The following TNFRSF11A variants were observed in gnomAD, a reference collection of about 807,000 sequenced individuals.
TNFRSF11A encodes the protein tumor necrosis factor receptor superfamily member 11A.
A neutral mutation model predicts 55.7 loss-of-function variants in TNFRSF11A; 32 were observed. The observed-to-expected ratio is 0.57, with a 90% CI of 0.43 to 0.77. The LOEUF (loss-of-function observed/expected upper bound fraction) is 0.77. TNFRSF11A is among the 30% of genes least tolerant of loss of function. The pLI, the probability that TNFRSF11A is intolerant of heterozygous loss-of-function variation, is 0.00. For missense variants in TNFRSF11A, 753 were observed against 809.8 expected (o/e 0.93, Z 0.85); for synonymous variants, 311 against 331.0 (o/e 0.94, Z 0.65).
chr18:62,339,614 C>T (rs1259931055), intron 1 of TNFRSF11A, among the ~76,000 whole-genome samples: 2 of 152,198 alleles, frequency 1.3e-5, no homozygotes, highest in African/African-American at 4.8e-5. Context: ...TGCCTTCAGT[C>T]CTACAGCAAG....
At chr18:62,329,395 C>T (rs1369281771) in intron 1 of TNFRSF11A, among the ~76,000 whole-genome samples, 1 of 152,220 alleles carries the variant, frequency 6.6e-6, no homozygotes, top group African/African-American at 2.4e-5. Flanking sequence ...GACTCCAGCT[C>T]AGTGCACCCC....
At chr18:62,370,300 A>T (rs1307602089) in intron 9 of TNFRSF11A, among the ~76,000 whole-genome samples, 3 of 152,188 alleles carry the variant, frequency 2.0e-5, no homozygotes, top group African/African-American at 7.2e-5. Flanking sequence ...AGGGTCAGGG[A>T]TCTCTTTGAG....
chr18:62,345,951 C>T (rs1165294329), intron 1 of TNFRSF11A, among the ~76,000 whole-genome samples: 5 of 152,178 alleles, frequency 3.3e-5, no homozygotes, highest in Non-Finnish European at 5.9e-5. Context: ...CGCAGCCATA[C>T]TCCTAAACAT....
rs1910306851 is a variant in TNFRSF11A, at chr18:62,368,977, TCCCAGCCCA to T, written c.1062_1070del (p.Gln355_Thr357del). ...AGAAGATGAATACATGGACAGGCCCTCCCAGCCCACAGACCAGTTACTGTTCCTCACTGA... is the reference window on the plus strand; with the variant it reads ...AGAAGATGAATACATGGACAGGCCCTCAGACCAGTTACTGTTCCTCACTGA... On this transcript the variant is annotated inframe_deletion, in exon 9 of 10. Transcript: ENST00000586569. 4 of 1,614,196 alleles carry T rather than the reference TCCCAGCCCA, an allele frequency of 2.5e-6. No individual in the cohort carries two copies. The highest frequency in any genetic ancestry group is 1.7e-5 in the Admixed American group (1 of 60,024).
chr18:62,342,670 A>C (rs1407498803), intron 1 of TNFRSF11A, among the ~76,000 whole-genome samples: 1 of 152,318 alleles, frequency 6.6e-6, no homozygotes. Flanking sequence ...CAGCTAAGGA[A>C]GGGGCAGACC....
intron 9 of TNFRSF11A, 136 bp downstream of exon 9, chr18:62,369,620 A>G: frequency 1.8e-6 from 2 of 1,132,888 alleles, no homozygotes; most frequent in Non-Finnish European, 2.6e-6. Context: ...CTTAATAAGC[A>G]TTTTTACAGG....
chr18:62,348,375 T>C, intron 2 of TNFRSF11A, 126 bp downstream of exon 2: 1 of 795,338 alleles, frequency 1.3e-6, no homozygotes, highest in Non-Finnish European at 2.2e-6. Flanking sequence ...CAGGTGGTAA[T>C]GTCTGTCACT....
rs1288286922 is a variant in TNFRSF11A at position 62,387,648 on chromosome 18, G to A, written c.*2614G>A. 6.6e-6 allele frequency: 1 copy of A among 152,200 alleles called. No individual in the cohort carries two copies. The highest frequency in any genetic ancestry group is 1.9e-4 in the East Asian group (1 of 5,204). The allele number at this position is 152,200 out of a possible 1,614,324, so 9.4% of individuals were successfully genotyped here. A position where few individuals can be genotyped will look rare whatever the true frequency, so the allele number is the denominator to read the frequency against. On this transcript the variant is annotated 3_prime_UTR_variant, in exon 10 of 10. Transcript: ENST00000586569. ...TATTAAAATACAGCCTGGGTACCCA[G>A]TGAAAGAGCTGAAATGGAAATGGAG...
At chr18:62,355,937 A>C (rs1909219871) in intron 4 of TNFRSF11A, among the ~76,000 whole-genome samples, 1 of 152,238 alleles carries the variant, frequency 6.6e-6, no homozygotes, top group African/African-American at 2.4e-5. Flanking sequence ...TTCTTTCAGT[A>C]CCTTCTGATT....
intron 9 of TNFRSF11A, among the ~76,000 whole-genome samples, chr18:62,377,652 A>G (rs996994308): frequency 2.6e-5 from 4 of 152,122 alleles, no homozygotes; most frequent in African/African-American, 9.7e-5. Context: ...TATGATGTGG[A>G]GCATCTTTTC....
chr18:62,336,125 T>G (rs2046229247), intron 1 of TNFRSF11A, among the ~76,000 whole-genome samples: 1 of 152,326 alleles, frequency 6.6e-6, no homozygotes, highest in Admixed American at 6.5e-5. Flanking sequence ...CAATGTCTAT[T>G]GTACAGTCAG....
At chr18:62,357,750 A>T (rs1909367418) in intron 4 of TNFRSF11A, among the ~76,000 whole-genome samples, 1 of 152,180 alleles carries the variant, frequency 6.6e-6, no homozygotes, top group South Asian at 2.1e-4. Flanking sequence ...GAGGAGATTA[A>T]GCTCATCAGA....
chr18:62,371,696 G>A (rs1224117167), intron 9 of TNFRSF11A, among the ~76,000 whole-genome samples: 1 of 152,220 alleles, frequency 6.6e-6, no homozygotes, highest in African/African-American at 2.4e-5. Flanking sequence ...TTTGGAGGCT[G>A]TGCTATTCTC....
At chr18:62,361,458 G>A (rs1047806707) in intron 6 of TNFRSF11A, among the ~76,000 whole-genome samples, 3 of 152,138 alleles carry the variant, frequency 2.0e-5, no homozygotes, top group Admixed American at 1.3e-4. Context: ...CTGCTCTCCC[G>A]TAGAGTGAAA....
In TNFRSF11A at chr18:62,362,079, T is replaced by A. The variant is rs532439842; in HGVS notation, c.730+286T>A. Among the ~76,000 whole-genome samples, 7 of 152,320 alleles carry A rather than the reference T, an allele frequency of 4.6e-5. 1 individual carries two copies. The highest frequency in any genetic ancestry group is 1.7e-4 in the African/African-American group (7 of 41,576). On this transcript the variant is annotated intron_variant, in intron 7 of 9. Transcript: ENST00000586569. ...GTTGTGTAGACTCTGCAGCATCACA[T>A]ATATGGGAGCTTGCATTTATCCTAG...
intron 7 of TNFRSF11A, among the ~76,000 whole-genome samples, chr18:62,362,041 G>A (rs1909726429): frequency 6.6e-6 from 1 of 152,198 alleles, no homozygotes; most frequent in African/African-American, 2.4e-5. Context: ...TGACTTGTAA[G>A]CTCTGTATTT....
At chr18:62,347,877 C>G (rs1471868155) in intron 1 of TNFRSF11A, among the ~76,000 whole-genome samples, 2 of 150,364 alleles carry the variant, frequency 1.3e-5, no homozygotes, top group African/African-American at 4.9e-5. Context: ...GCACTCCAGC[C>G]TGGGCAATAG....
At chr18:62,334,554 T>C (rs2046202404) in intron 1 of TNFRSF11A, among the ~76,000 whole-genome samples, 1 of 152,222 alleles carries the variant, frequency 6.6e-6, no homozygotes, top group South Asian at 2.1e-4. Context: ...CTCATAAGCT[T>C]TCGGAAGTAG....
At chr18:62,380,184 G>A (rs1010443306) in intron 9 of TNFRSF11A, among the ~76,000 whole-genome samples, 4 of 152,194 alleles carry the variant, frequency 2.6e-5, no homozygotes, top group Non-Finnish European at 4.4e-5. Context: ...GGCCCATGGC[G>A]ACCACTCTGC....
Sources: allele counts gnomAD v4.1 joint callset (sites outside exome capture counted in the v4.1 genomes callset), GRCh38; gene constraint gnomAD v4.1.1; transcripts MANE v1.5; gene names NCBI Gene and HGNC (gene_info 2026-07-23, HGNC 2026-07-21).